Variants in ZPLD1 observed in about 807,000 individuals in gnomAD.
ZPLD1 encodes zona pellucida like domain containing 1, also known as zona pellucida-like domain-containing protein 1.
Under a neutral mutation model 47.2 loss-of-function variants are expected in ZPLD1, and 34 were observed. That is an observed-to-expected ratio of 0.72 (90% CI 0.55 to 0.96). The LOEUF is 0.96. ZPLD1 is among the 40% of genes least tolerant of loss of function. The probability of loss-of-function intolerance (pLI) is 0.00; values close to 1 mark genes in which losing one functional copy is unlikely to be tolerated. For missense variants in ZPLD1, 512 were observed against 505.8 expected (o/e 1.01, Z -0.12); for synonymous variants, 176 against 186.2 (o/e 0.95, Z 0.45).
chr3:102,431,548 C>T (rs915885351), upstream of ZPLD1, among the ~76,000 whole-genome samples: 1 of 152,134 alleles, frequency 6.6e-6, no homozygotes, highest in African/African-American at 2.4e-5. Flanking sequence ...TATAGAGCTT[C>T]AGTCTAGACA....
At chr3:102,435,706 G>A (rs1707080047) in intron 1 of ZPLD1, among the ~76,000 whole-genome samples, 1 of 147,784 alleles carries the variant, frequency 6.8e-6, no homozygotes, top group Non-Finnish European at 1.5e-5. Context: ...GCAGTGGCGA[G>A]ATCTCAGCTC....
chr3:102,475,686 G>A (rs548602880), intron 10 of ZPLD1, among the ~76,000 whole-genome samples: 34 of 152,146 alleles, frequency 2.2e-4, no homozygotes, highest in Admixed American at 1.4e-3. Context: ...TAATAAAAAT[G>A]TGTGTTATTT....
chr3:102,400,952 T>C (rs753597859), intron 7 of ZPLD1, among the ~76,000 whole-genome samples: 5 of 152,060 alleles, frequency 3.3e-5, no homozygotes, highest in Non-Finnish European at 5.9e-5. Context: ...ATATTTTCAT[T>C]CCACATGAAT....
exon 7 of ZPLD1, chr3:102,392,178 T>G (rs1303080337): frequency 6.6e-6 from 1 of 152,196 alleles, no homozygotes; most frequent in East Asian, 1.9e-4. Context: ...AGGCACTTAG[T>G]ATAAACCGAT....
chr3:102,433,477 T>C (rs1271606379), upstream of ZPLD1, among the ~76,000 whole-genome samples: 2 of 152,226 alleles, frequency 1.3e-5, no homozygotes, highest in Non-Finnish European at 2.9e-5. Context: ...CACAGTCAGC[T>C]CTTAAAACTT....
chr3:102,416,218 T>G (rs1355918870), intron 7 of ZPLD1, among the ~76,000 whole-genome samples: 1 of 151,948 alleles, frequency 6.6e-6, no homozygotes, highest in Non-Finnish European at 1.5e-5. Context: ...ACAAATAATG[T>G]CAGCTACTTT....
chr3:102,458,404 A>T (rs1707452606), intron 6 of ZPLD1, among the ~76,000 whole-genome samples: 1 of 152,236 alleles, frequency 6.6e-6, no homozygotes, highest in African/African-American at 2.4e-5. Flanking sequence ...CGTGAAAAAT[A>T]CATGGATTTC....
At chr3:102,415,467 A>G (rs1706794556) in intron 7 of ZPLD1, among the ~76,000 whole-genome samples, 1 of 151,846 alleles carries the variant, frequency 6.6e-6, no homozygotes, top group Non-Finnish European at 1.5e-5. Context: ...TTGTAAAGCA[A>G]AAAAAGGAGC....
At chr3:102,432,328 C>CT (rs2107315258), upstream of ZPLD1, among the ~76,000 whole-genome samples, 1 of 152,262 alleles carries the variant, frequency 6.6e-6, no homozygotes, top group South Asian at 2.1e-4. Flanking sequence ...AATTAGAGGA[C>CT]TGGGGCCTCA....
intron 7 of ZPLD1, among the ~76,000 whole-genome samples, chr3:102,407,392 AATATATATATATATATATATATATAT>A (rs63183460): frequency 1.2e-3 from 46 of 37,898 alleles, no homozygotes; most frequent in South Asian, 3.7e-3. Flanking sequence ...TTGATTTTCA[AATATATATATATATATATATATATAT>A]ATATATATAT....
At chr3:102,394,807 A>G (rs1445732066) in intron 7 of ZPLD1, among the ~76,000 whole-genome samples, 1 of 152,182 alleles carries the variant, frequency 6.6e-6, no homozygotes, top group Non-Finnish European at 1.5e-5. Flanking sequence ...TACAAAGTAC[A>G]ATATGGAAAG....
intron 7 of ZPLD1, among the ~76,000 whole-genome samples, chr3:102,403,621 A>G (rs1706649353): frequency 6.6e-6 from 1 of 151,998 alleles, no homozygotes; most frequent in Admixed American, 6.6e-5. Context: ...TTAATTCAAT[A>G]GCTTAATCAT....
chr3:102,404,076 A>ACTGCCTATAT (rs1706654583), intron 7 of ZPLD1, among the ~76,000 whole-genome samples: 1 of 151,930 alleles, frequency 6.6e-6, no homozygotes. Flanking sequence ...TCTGCAGAAA[A>ACTGCCTATAT]CTGCCTATAT....
chr3:102,410,787 A>G (rs1706740289), intron 7 of ZPLD1, among the ~76,000 whole-genome samples: 1 of 151,766 alleles, frequency 6.6e-6, no homozygotes, highest in African/African-American at 2.4e-5. Context: ...AGGAATCCAA[A>G]TCTTGAATGG....
intron 8 of ZPLD1, among the ~76,000 whole-genome samples, chr3:102,422,827 G>A (rs1336707409): frequency 1.3e-5 from 2 of 152,004 alleles, no homozygotes; most frequent in Non-Finnish European, 2.9e-5. Flanking sequence ...TGTTGTTGTT[G>A]TTGTTTTGCC....
At chr3:102,462,605 G>T (rs183756606) in intron 7 of ZPLD1, among the ~76,000 whole-genome samples, 2 of 151,842 alleles carry the variant, frequency 1.3e-5, no homozygotes, top group East Asian at 3.9e-4. Flanking sequence ...AAAGAAGGGG[G>T]GTGGTTCTTG....
At chr3:102,466,195 T>G (rs1359947286) in intron 8 of ZPLD1, among the ~76,000 whole-genome samples, 1 of 152,138 alleles carries the variant, frequency 6.6e-6, no homozygotes, top group Non-Finnish European at 1.5e-5. Context: ...CCTGTGAATA[T>G]CTTTTAAGTT....
rs1451099333 is a variant in ZPLD1, at chr3:102,453,118, G to A, written c.306G>A (p.Glu102=). The A allele has an allele frequency of 6.2e-7, 1 of 1,613,962 alleles. No homozygotes were observed. The highest frequency in any genetic ancestry group is 1.7e-5 in the Admixed American group (1 of 60,004). ...VIFIINLSTL[E]GCGNNLVVST... is the part of the protein sequence containing the mutation. Reference sequence around the variant, plus strand: ...TTATCATCAATCTCAGCACCTTGGAGGGCTGTGGAAACAACCTGGTGGTAA... The same window carrying A: ...TTATCATCAATCTCAGCACCTTGGAAGGCTGTGGAAACAACCTGGTGGTAA... Residue 102 remains glutamate, a synonymous_variant, in exon 4 of 12, where the codon GAG becomes GAA. Coordinates refer to ENST00000466937, the MANE Select transcript of ZPLD1 (RefSeq NM_001329788.2).
intron 6 of ZPLD1, among the ~76,000 whole-genome samples, chr3:102,460,226 T>C (rs76067278): frequency 0.03 from 4,592 of 152,180 alleles, 184 homozygotes; most frequent in African/African-American, 0.094. Flanking sequence ...GTTTTTTATT[T>C]CTAACCCTTG....
Sources: allele counts gnomAD v4.1 joint callset (sites outside exome capture counted in the v4.1 genomes callset), GRCh38; gene constraint gnomAD v4.1.1; transcripts MANE v1.5; gene names NCBI Gene and HGNC (gene_info 2026-07-23, HGNC 2026-07-21).